Variants in LDAH observed in about 807,000 individuals in gnomAD.
LDAH encodes lipid droplet-associated hydrolase.
Under a neutral mutation model 29.6 loss-of-function variants are expected in LDAH, and 26 were observed. That is an observed-to-expected ratio of 0.88 (90% CI 0.64 to 1.22). LDAH has a LOEUF of 1.22. Among genes scored for constraint, LDAH ranks in the 50% most tolerant of loss-of-function variants. The probability of loss-of-function intolerance (pLI) is 0.00; values close to 1 mark genes in which losing one functional copy is unlikely to be tolerated. For synonymous variants in LDAH, 117 were observed against 133.0 expected, an observed-to-expected ratio of 0.88 and a Z score of 0.83; for missense variants, 344 against 387.3, an observed-to-expected ratio of 0.89 and a Z score of 0.94.
chr2:20,767,532 G>A (rs774788620), intron 4 of LDAH, among the ~76,000 whole-genome samples: 4 of 152,226 alleles, frequency 2.6e-5, no homozygotes, highest in Admixed American at 6.5e-5. Flanking sequence ...TGTTGAGGGC[G>A]GCTCAGCACT....
rs16987998 is a variant in LDAH, at chr2:20,699,550, T to G, written c.786+2020A>C. Among the ~76,000 whole-genome samples the G allele has an allele frequency of 2.7e-3, 407 of 152,322 alleles. 3 individuals are homozygous for G. The highest frequency in any genetic ancestry group is 9.4e-3 in the African/African-American group (391 of 41,578). The stretch of plus-strand genomic sequence containing the variant: ...AGGAGCTGTAATTGTATTATTCTAG[T>G]GGAGAGCTTGAATTTTGCTGGTAGA... On this transcript the variant is annotated intron_variant, in intron 6 of 6. Transcript: ENST00000237822.
intron 6 of LDAH, among the ~76,000 whole-genome samples, chr2:20,694,207 C>T (rs1324673810): frequency 3.9e-5 from 6 of 152,308 alleles, no homozygotes; most frequent in South Asian, 4.1e-4. Context: ...GAAGCTTTCC[C>T]GGGCTCGGGA....
intron 5 of LDAH, among the ~76,000 whole-genome samples, chr2:20,711,318 G>A (rs1048936535): frequency 6.6e-6 from 1 of 151,752 alleles, no homozygotes; most frequent in Non-Finnish European, 1.5e-5. Context: ...CCGGGAGGTG[G>A]AGCTTGAAGT....
intron 3 of LDAH, among the ~76,000 whole-genome samples, chr2:20,779,578 A>G (rs913177131): frequency 6.6e-6 from 1 of 152,086 alleles, no homozygotes; most frequent in Non-Finnish European, 1.5e-5. Flanking sequence ...ATAACTACAA[A>G]CATAAAAAGA....
rs531023656 is a variant in LDAH, at chr2:20,717,283, G to A, written c.704-15631C>T. ...AATTAGAATTTTTTTCCAGCAAAAAGACCATATTAAGAGACTAATGAGACA... is the reference window on the plus strand; with the variant it reads ...AATTAGAATTTTTTTCCAGCAAAAAAACCATATTAAGAGACTAATGAGACA... On this transcript the variant is annotated intron_variant, in intron 5 of 6. Coordinates refer to ENST00000237822, the MANE Select transcript of LDAH (RefSeq NM_021925.4). 5.0e-3 allele frequency among the ~76,000 whole-genome samples: 754 copies of A among 152,198 alleles called. 5 individuals carry two copies. Among genetic ancestry groups the A allele is most frequent in the Non-Finnish European group, 8.0e-3 (545 of 67,994 alleles).
At chr2:20,731,981 G>A (rs959815993) in intron 5 of LDAH, among the ~76,000 whole-genome samples, 5 of 151,954 alleles carry the variant, frequency 3.3e-5, no homozygotes, top group African/African-American at 1.2e-4. Flanking sequence ...CTTCTGATCT[G>A]TATATCTTTT....
intron 1 of LDAH, among the ~76,000 whole-genome samples, chr2:20,802,941 G>A (rs995873373): frequency 8.5e-5 from 13 of 152,156 alleles, no homozygotes; most frequent in Admixed American, 8.5e-4. Context: ...GAGGGAAGGA[G>A]TTTTCTCAGC....
At chr2:20,770,721 C>G (rs932425673) in intron 4 of LDAH, among the ~76,000 whole-genome samples, 3 of 152,188 alleles carry the variant, frequency 2.0e-5, no homozygotes, top group Admixed American at 6.5e-5. Context: ...GTGTACACTG[C>G]AGGGCACACT....
chr2:20,710,740 T>C lies in LDAH; in HGVS notation c.704-9088A>G, dbSNP rs188191769. On this transcript the variant is annotated intron_variant, in intron 5 of 6. Coordinates refer to ENST00000237822, the MANE Select transcript of LDAH (RefSeq NM_021925.4). The stretch of plus-strand genomic sequence containing the variant: ...TATACATATATATACATATATATTA[T>C]ACACATATACATATATATACACATA... Among the ~76,000 whole-genome samples, 151 of 148,206 alleles carry C rather than the reference T, an allele frequency of 1.0e-3. 1 individual carries two copies. The East Asian group carries it at 0.021, about 20-fold the overall frequency.
At chr2:20,696,687 A>C (rs1016430303) in intron 6 of LDAH, among the ~76,000 whole-genome samples, 1 of 152,044 alleles carries the variant, frequency 6.6e-6, no homozygotes, top group Non-Finnish European at 1.5e-5. Context: ...TGAGACATGC[A>C]TCCCTTATGG....
chr2:20,733,455 A>G (rs960026004), intron 5 of LDAH, among the ~76,000 whole-genome samples: 6 of 145,166 alleles, frequency 4.1e-5, no homozygotes, highest in Non-Finnish European at 8.9e-5. Context: ...GCTGGAGTGC[A>G]GTGTCACGAT....
At chr2:20,706,801 C>T (rs1013010269) in intron 5 of LDAH, among the ~76,000 whole-genome samples, 2 of 151,906 alleles carry the variant, frequency 1.3e-5, no homozygotes, top group Non-Finnish European at 2.9e-5. Flanking sequence ...AAAAGAGAAA[C>T]GAATGAGAGG....
intron 1 of LDAH, among the ~76,000 whole-genome samples, chr2:20,813,011 T>C (rs940997967): frequency 2.0e-5 from 3 of 152,332 alleles, no homozygotes; most frequent in Middle Eastern, 6.8e-3. Flanking sequence ...AGCTAGTAAG[T>C]TGTAAAGTGG....
intron 4 of LDAH, among the ~76,000 whole-genome samples, chr2:20,751,150 G>C (rs1242934306): frequency 1.3e-5 from 2 of 152,110 alleles, no homozygotes; most frequent in Admixed American, 1.3e-4. Context: ...AATAAAAGTT[G>C]AAGTTTTTTT....
chr2:20,743,750 T>G (rs1667371653), intron 4 of LDAH, among the ~76,000 whole-genome samples: 1 of 152,008 alleles, frequency 6.6e-6, no homozygotes. Context: ...GTTTGATGTC[T>G]GACATTAATT....
intron 4 of LDAH, among the ~76,000 whole-genome samples, chr2:20,747,091 G>C (rs184884428): frequency 6.6e-6 from 1 of 152,022 alleles, no homozygotes; most frequent in African/African-American, 2.4e-5. Flanking sequence ...CACAAGGTAA[G>C]AAGTATGGTG....
chr2:20,712,303 T>C (rs1329869375), intron 5 of LDAH, among the ~76,000 whole-genome samples: 1 of 152,088 alleles, frequency 6.6e-6, no homozygotes, highest in Admixed American at 6.5e-5. Flanking sequence ...ACCTGACTGT[T>C]AGAAGGAAAA....
chr2:20,815,927 G>A (rs567895178), intron 1 of LDAH, among the ~76,000 whole-genome samples: 2 of 151,948 alleles, frequency 1.3e-5, no homozygotes, highest in South Asian at 2.1e-4. Context: ...TGAAGTAAAC[G>A]TTATAACAAC....
intron 6 of LDAH, among the ~76,000 whole-genome samples, chr2:20,700,660 T>C (rs1663861572): frequency 6.6e-6 from 1 of 152,172 alleles, no homozygotes; most frequent in African/African-American, 2.4e-5. Flanking sequence ...AACAGAAGCA[T>C]AAAGCAAGGT....
Sources: allele counts gnomAD v4.1 joint callset (sites outside exome capture counted in the v4.1 genomes callset), GRCh38; gene constraint gnomAD v4.1.1; transcripts MANE v1.5; gene names NCBI Gene and HGNC (gene_info 2026-07-23, HGNC 2026-07-21).